The following WWOX variants were observed in gnomAD, a reference collection of about 807,000 sequenced individuals.
The protein encoded by WWOX is WW domain containing oxidoreductase, also known as WW domain-containing oxidoreductase.
Under a neutral mutation model 46.2 loss-of-function variants are expected in WWOX, and 69 were observed. That is an observed-to-expected ratio of 1.49 (90% CI 1.23 to 1.82). The LOEUF is 1.82. WWOX is among the 40% of genes most tolerant of loss of function. The probability of loss-of-function intolerance (pLI) is 0.00; values close to 1 mark genes in which losing one functional copy is unlikely to be tolerated. For synonymous variants in WWOX, 359 were observed against 202.6 expected, an observed-to-expected ratio of 1.77 and a Z score of -6.56; for missense variants, 919 against 542.6, an observed-to-expected ratio of 1.69 and a Z score of -6.89.
At chr16:78,542,034 A>AAAAAAAAAAAAAAAAAAT (rs2043909739) in intron 8 of WWOX, among the ~76,000 whole-genome samples, 1 of 150,062 alleles carries the variant, frequency 6.7e-6, no homozygotes, top group Non-Finnish European at 1.5e-5. Flanking sequence ...AAAAAAAAAA[A>AAAAAAAAAAAAAAAAAAT]AAAAAAAAAA....
rs72801027 is a variant in WWOX, at chr16:78,795,173, A to C, written c.1056+362421A>C. Reference sequence around the variant, plus strand: ...ATGTCTTACATTTATAGAGTGTTCAAAAGGTGCCAGATATTGTGCTAAGTG... The same window carrying C: ...ATGTCTTACATTTATAGAGTGTTCACAAGGTGCCAGATATTGTGCTAAGTG... On this transcript the variant is annotated intron_variant, in intron 8 of 8. Transcript: ENST00000566780. Among the ~76,000 whole-genome samples, 383 of 152,322 alleles carry C rather than the reference A, an allele frequency of 2.5e-3. 2 individuals are homozygous for C. The highest frequency in any genetic ancestry group is 4.4e-3 in the Non-Finnish European group (299 of 68,028).
intron 8 of WWOX, among the ~76,000 whole-genome samples, chr16:78,903,396 C>T (rs942557792): frequency 6.6e-6 from 1 of 152,160 alleles, no homozygotes; most frequent in Non-Finnish European, 1.5e-5. Context: ...CGCCTCCAGT[C>T]AGTATGATTG....
At chr16:78,630,409 C>T (rs980101010) in intron 8 of WWOX, among the ~76,000 whole-genome samples, 1 of 152,130 alleles carries the variant, frequency 6.6e-6, no homozygotes, top group African/African-American at 2.4e-5. Flanking sequence ...ATGTGGAATA[C>T]CTGCTTTCCT....
chr16:78,230,069 G>T (rs2037203073), intron 5 of WWOX, among the ~76,000 whole-genome samples: 1 of 151,978 alleles, frequency 6.6e-6, no homozygotes, highest in African/African-American at 2.4e-5. Context: ...TTGTGGAGAT[G>T]GGGTTTTACC....
At chr16:78,859,292 T>C (rs896896498) in intron 8 of WWOX, among the ~76,000 whole-genome samples, 2 of 151,564 alleles carry the variant, frequency 1.3e-5, no homozygotes, top group Non-Finnish European at 2.9e-5. Context: ...AGGAATGGAA[T>C]TGATTTTTCC....
chr16:79,188,010 G>C (rs894712020), intron 8 of WWOX, among the ~76,000 whole-genome samples: 2 of 152,206 alleles, frequency 1.3e-5, no homozygotes, highest in African/African-American at 4.8e-5. Flanking sequence ...GTCAAGCTGT[G>C]CTCTTCAAAC....
Position 78,716,284 on chromosome 16 carries a change from G to T in WWOX, c.1056+283532G>T, listed in dbSNP as rs1488657666. ...TCTGGGACTGCCAGAAGCTCCTGAA[G>T]GCAGGAAGCATCCTCCCCTCCAGCC... On this transcript the variant is annotated intron_variant, in intron 8 of 8. Transcript: ENST00000566780. Among the ~76,000 whole-genome samples, 4 of 152,142 alleles carry T rather than the reference G, an allele frequency of 2.6e-5. 1 individual carries two copies. In the South Asian group the frequency reaches 8.3e-4, roughly 32 times the overall value.
chr16:78,406,728 G>A (rs1025182257), intron 6 of WWOX, among the ~76,000 whole-genome samples: 2 of 151,562 alleles, frequency 1.3e-5, no homozygotes, highest in Non-Finnish European at 2.9e-5. Flanking sequence ...CGGGGTTCAA[G>A]CGATTCTCCT....
chr16:78,363,798 A>T (rs2081467869), intron 5 of WWOX, among the ~76,000 whole-genome samples: 1 of 152,124 alleles, frequency 6.6e-6, no homozygotes, highest in Admixed American at 6.5e-5. Flanking sequence ...TACAGCGGAG[A>T]CAGTGAGGTC....
chr16:79,173,609 C>G (rs576703827), intron 8 of WWOX, among the ~76,000 whole-genome samples: 2 of 151,144 alleles, frequency 1.3e-5, no homozygotes, highest in African/African-American at 2.4e-5. Context: ...TATTTCCTAT[C>G]AAATAAAGCC....
intron 8 of WWOX, among the ~76,000 whole-genome samples, chr16:79,153,528 G>C (rs1126183): frequency 0.17 from 25,835 of 152,102 alleles, 4,256 homozygotes; most frequent in African/African-American, 0.43. Context: ...CAATGCACTT[G>C]TGGAAATTCG....
At chr16:78,335,998 A>C (rs2080880405) in intron 5 of WWOX, among the ~76,000 whole-genome samples, 1 of 152,152 alleles carries the variant, frequency 6.6e-6, no homozygotes, top group Non-Finnish European at 1.5e-5. Flanking sequence ...AGGCTGGGGC[A>C]GGAGAATCGC....
chr16:78,388,519 C>G (rs1017236673), intron 6 of WWOX, among the ~76,000 whole-genome samples: 1 of 151,946 alleles, frequency 6.6e-6, no homozygotes, highest in African/African-American at 2.4e-5. Context: ...TAGTGGTGCA[C>G]ACCTCTAGTC....
chr16:78,664,595 T>A (rs2047287930), intron 8 of WWOX, among the ~76,000 whole-genome samples: 1 of 152,172 alleles, frequency 6.6e-6, no homozygotes, highest in South Asian at 2.1e-4. Flanking sequence ...GTCAAAACTC[T>A]GTGTCCAGAT....
chr16:78,944,022 G>A (rs1342185731), intron 8 of WWOX, among the ~76,000 whole-genome samples: 1 of 152,154 alleles, frequency 6.6e-6, no homozygotes, highest in Non-Finnish European at 1.5e-5. Context: ...GACGTTTGAA[G>A]AAAAACAAAT....
At chr16:79,208,435 C>G (rs2051595517) in intron 8 of WWOX, among the ~76,000 whole-genome samples, 3 of 151,628 alleles carry the variant, frequency 2.0e-5, no homozygotes, top group Admixed American at 2.0e-4. Flanking sequence ...GTTTGTATGT[C>G]AAGGTATTAT....
chr16:79,035,345 C>G lies in WWOX; in HGVS notation c.1057-176263C>G, dbSNP rs141720908. On this transcript the variant is annotated intron_variant, in intron 8 of 8. Transcript: ENST00000566780. ...CAAATCCAGGGGAGTTCTAGACTGT[C>G]TAGAATATTGTACCAAGAACAAAAG... Among the ~76,000 whole-genome samples, 181 of 152,236 alleles carry G rather than the reference C, an allele frequency of 1.2e-3. 1 individual carries two copies. The Middle Eastern group carries it at 0.024, about 20-fold the overall frequency.
intron 8 of WWOX, chr16:79,017,243 A>C (rs1401087964): frequency 1.3e-5 from 2 of 151,826 alleles, no homozygotes; most frequent in Non-Finnish European, 2.9e-5. Flanking sequence ...ATCCTGGCTA[A>C]CACAGTGAAA....
At chr16:78,568,845 G>A (rs925575620) in intron 8 of WWOX, among the ~76,000 whole-genome samples, 3 of 152,190 alleles carry the variant, frequency 2.0e-5, no homozygotes, top group African/African-American at 7.2e-5. Flanking sequence ...GTGCAAGTAA[G>A]TTTGTTTTCT....
Sources: gnomAD v4.1 joint callset for allele counts (sites outside exome capture counted in the v4.1 genomes callset) on GRCh38, gnomAD v4.1.1 for gene constraint, MANE v1.5 for transcripts, NCBI Gene and HGNC (gene_info 2026-07-23, HGNC 2026-07-21) for gene names.